EXOC6B: variants seen among roughly 807,000 people sequenced by gnomAD.
EXOC6B encodes SEC15 homolog B.
A neutral mutation model predicts 113.5 loss-of-function variants in EXOC6B; 54 were observed. The observed-to-expected ratio is 0.48, with a 90% confidence interval of 0.38 to 0.60. The LOEUF (loss-of-function observed/expected upper bound fraction) is 0.60, where lower values mean the gene tolerates loss of function less well. Ranked by LOEUF, EXOC6B falls within the 20% of genes least tolerant of loss-of-function variation. The probability of loss-of-function intolerance (pLI) is 0.00; values close to 1 mark genes in which losing one functional copy is unlikely to be tolerated. For synonymous variants in EXOC6B, 357 were observed against 339.0 expected, an observed-to-expected ratio of 1.05 and a Z score of -0.58; for missense variants, 797 against 977.5, an observed-to-expected ratio of 0.82 and a Z score of 2.46.
At chr2:72,760,176 T>C (rs147062695) in intron 1 of EXOC6B, among the ~76,000 whole-genome samples, 126 of 152,350 alleles carry the variant, frequency 8.3e-4, no homozygotes, top group African/African-American at 2.8e-3. Context: ...AATTTTAAGA[T>C]AATTCATAGT....
chr2:72,363,094 T>C (rs1400756735), intron 19 of EXOC6B, among the ~76,000 whole-genome samples: 1 of 152,128 alleles, frequency 6.6e-6, no homozygotes, highest in African/African-American at 2.4e-5. Flanking sequence ...CAGGATCCAG[T>C]GCTCTAATGT....
intron 6 of EXOC6B, among the ~76,000 whole-genome samples, chr2:72,691,027 G>A (rs1677445439): frequency 6.6e-6 from 1 of 152,154 alleles, no homozygotes; most frequent in African/African-American, 2.4e-5. Flanking sequence ...GAGAGGCTGA[G>A]GCAGGAGGAT....
intron 17 of EXOC6B, 46 bp downstream of exon 17, chr2:72,480,570 C>A: frequency 6.6e-7 from 1 of 1,514,354 alleles, no homozygotes; most frequent in East Asian, 2.5e-5. Flanking sequence ...ACGTCCCAGA[C>A]TGTGTACACC....
chr2:72,666,128 C>T (rs1675370735), intron 6 of EXOC6B, among the ~76,000 whole-genome samples: 1 of 152,114 alleles, frequency 6.6e-6, no homozygotes. Flanking sequence ...TTTGATTCAA[C>T]AAGACTTAAC....
intron 20 of EXOC6B, among the ~76,000 whole-genome samples, chr2:72,316,339 G>GC (rs1459616308): frequency 1.3e-5 from 2 of 152,288 alleles, no homozygotes; most frequent in East Asian, 3.9e-4. Context: ...GCTGCATGGA[G>GC]CACTTCCTTG....
At chr2:72,307,770 A>C (rs993925581) in intron 20 of EXOC6B, among the ~76,000 whole-genome samples, 1 of 152,164 alleles carries the variant, frequency 6.6e-6, no homozygotes, top group Non-Finnish European at 1.5e-5. Context: ...GATACTGTAT[A>C]TAATGTTTCC....
intron 18 of EXOC6B, among the ~76,000 whole-genome samples, chr2:72,443,260 T>C (rs1696333557): frequency 6.6e-6 from 1 of 150,538 alleles, no homozygotes; most frequent in Non-Finnish European, 1.5e-5. Flanking sequence ...GAGGCACAGG[T>C]TGCAGTGAGC....
intron 6 of EXOC6B, among the ~76,000 whole-genome samples, chr2:72,635,778 G>T (rs1447250160): frequency 6.6e-6 from 1 of 152,140 alleles, no homozygotes; most frequent in Non-Finnish European, 1.5e-5. Context: ...TATCCTTCAT[G>T]CATTTAGATA....
At chr2:72,417,443 C>G (rs1214046733) in intron 18 of EXOC6B, among the ~76,000 whole-genome samples, 1 of 152,172 alleles carries the variant, frequency 6.6e-6, no homozygotes, top group African/African-American at 2.4e-5. Context: ...CAGGCATGAG[C>G]CACCATGCCT....
At chr2:72,730,316 G>C (rs988298107) in intron 5 of EXOC6B, among the ~76,000 whole-genome samples, 3 of 152,090 alleles carry the variant, frequency 2.0e-5, no homozygotes, top group African/African-American at 7.2e-5. Context: ...TAGACTATGA[G>C]TAAAGATGAT....
Position 72,236,783 on chromosome 2 carries a change from G to A in EXOC6B, c.2197-52596C>T, listed in dbSNP as rs571572728. 1.5e-4 allele frequency among the ~76,000 whole-genome samples: 23 copies of A among 152,088 alleles called. No homozygotes were observed. In the South Asian group the frequency reaches 1.7e-3, roughly 11 times the overall value. ...ATTAATAGTGGGACAAGCAAAGAGG[G>A]CTATCAAAATTCAGGGGACCATGGG... is the stretch of plus-strand genomic sequence containing the variant. On this transcript the variant is annotated intron_variant, in intron 20 of 21. Coordinates refer to ENST00000272427, the MANE Select transcript of EXOC6B (RefSeq NM_015189.3).
intron 19 of EXOC6B, among the ~76,000 whole-genome samples, chr2:72,364,402 T>C (rs1004197801): frequency 6.6e-6 from 1 of 152,282 alleles, no homozygotes; most frequent in South Asian, 2.1e-4. Flanking sequence ...ATTTCACTGC[T>C]GATATTATGG....
chr2:72,419,247 T>G (rs1324535660), intron 18 of EXOC6B, among the ~76,000 whole-genome samples: 1 of 152,204 alleles, frequency 6.6e-6, no homozygotes, highest in East Asian at 1.9e-4. Flanking sequence ...CAAACCAAAG[T>G]TATAATAATA....
At chr2:72,653,636 C>T (rs1347192203) in intron 6 of EXOC6B, among the ~76,000 whole-genome samples, 8 of 141,442 alleles carry the variant, frequency 5.7e-5, no homozygotes. Flanking sequence ...AAAATACTGA[C>T]GAGTTGAAAG....
intron 20 of EXOC6B, among the ~76,000 whole-genome samples, chr2:72,309,981 T>C (rs1687092590): frequency 6.6e-6 from 1 of 152,240 alleles, no homozygotes; most frequent in Non-Finnish European, 1.5e-5. Flanking sequence ...TTTCTTTTGA[T>C]GGCTGAATAA....
intron 17 of EXOC6B, among the ~76,000 whole-genome samples, chr2:72,466,192 A>C (rs1698044078): frequency 6.6e-6 from 1 of 151,938 alleles, no homozygotes; most frequent in Non-Finnish European, 1.5e-5. Flanking sequence ...TAAAAATACA[A>C]AAATTAGCTG....
intron 6 of EXOC6B, among the ~76,000 whole-genome samples, chr2:72,622,933 T>C (rs1671832629): frequency 6.6e-6 from 1 of 152,142 alleles, no homozygotes; most frequent in Admixed American, 6.5e-5. Flanking sequence ...TGATTGGTAG[T>C]ATCTACTACA....
At chr2:72,450,197 G>A (rs562582527) in intron 18 of EXOC6B, among the ~76,000 whole-genome samples, 5 of 152,222 alleles carry the variant, frequency 3.3e-5, no homozygotes, top group Non-Finnish European at 7.4e-5. Flanking sequence ...TATTTATGTA[G>A]AGAGGTTAAA....
At chr2:72,212,451 A>G (rs2104389719) in intron 20 of EXOC6B, among the ~76,000 whole-genome samples, 2 of 152,346 alleles carry the variant, frequency 1.3e-5, no homozygotes, top group East Asian at 1.9e-4. Flanking sequence ...AGTTGCTGGT[A>G]CTGAGAAGGG....
Sources: allele counts gnomAD v4.1 joint callset (sites outside exome capture counted in the v4.1 genomes callset), GRCh38; gene constraint gnomAD v4.1.1; transcripts MANE v1.5; gene names NCBI Gene and HGNC (gene_info 2026-07-23, HGNC 2026-07-21).